The following NRG3 variants were observed in gnomAD, a reference collection of about 807,000 sequenced individuals.
The protein encoded by NRG3 is pro-neuregulin-3, membrane-bound isoform.
A neutral mutation model predicts 66.9 loss-of-function variants in NRG3; 31 were observed. The ratio of observed to expected loss-of-function variants is 0.46; its 90% CI spans 0.35 to 0.63. The LOEUF is 0.63. Ranked by LOEUF, NRG3 falls within the 20% of genes least tolerant of loss-of-function variation. NRG3 has a pLI of 0.00. For synonymous variants in NRG3, 393 were observed against 359.4 expected (o/e 1.09, Z -1.06); for missense variants, 910 against 878.9 (o/e 1.04, Z -0.45).
intron 1 of NRG3, among the ~76,000 whole-genome samples, chr10:82,063,903 A>G (rs2133259089): frequency 6.6e-6 from 1 of 152,278 alleles, no homozygotes; most frequent in East Asian, 1.9e-4. Flanking sequence ...CATAGCTGGG[A>G]GAACAAAGAA....
chr10:82,784,901 C>G (rs12573722), intron 3 of NRG3, among the ~76,000 whole-genome samples: 13,979 of 152,188 alleles, frequency 0.092, 674 homozygotes, highest in Middle Eastern at 0.18. Context: ...AAGACACATG[C>G]ACACGTATGT....
In NRG3 at chr10:82,741,429, T is replaced by G. The variant is rs116709406; in HGVS notation, c.1027+2779T>G. The stretch of plus-strand genomic sequence containing the variant: ...GCTTTCACTTGAGCAATGGCAACAG[T>G]AATACCTATAAGCATTATTGTTATC... On this transcript the variant is annotated intron_variant, in intron 3 of 8. Transcript: ENST00000372141. Among the ~76,000 whole-genome samples, 537 of 152,316 alleles carry G rather than the reference T, an allele frequency of 3.5e-3. 1 individual carries two copies. The highest frequency in any genetic ancestry group is 0.012 in the African/African-American group (510 of 41,586).
At chr10:82,258,476 C>T (rs1286629580) in intron 1 of NRG3, among the ~76,000 whole-genome samples, 1 of 152,182 alleles carries the variant, frequency 6.6e-6, no homozygotes, top group Non-Finnish European at 1.5e-5. Flanking sequence ...ACAAATTAGG[C>T]AGGCATCCTT....
chr10:82,572,701 A>G (rs2045813192), intron 2 of NRG3, among the ~76,000 whole-genome samples: 1 of 151,594 alleles, frequency 6.6e-6, no homozygotes, highest in African/African-American at 2.4e-5. Flanking sequence ...TGGTAAAAGT[A>G]ATGTAAAAAA....
intron 2 of NRG3, among the ~76,000 whole-genome samples, chr10:82,697,994 C>T (rs1375810713): frequency 6.6e-6 from 1 of 152,108 alleles, no homozygotes; most frequent in Non-Finnish European, 1.5e-5. Context: ...AAAAGTCCAT[C>T]TGACATTGTA....
At chr10:82,446,098 C>A (rs909141488) in intron 2 of NRG3, among the ~76,000 whole-genome samples, 4 of 152,158 alleles carry the variant, frequency 2.6e-5, no homozygotes, top group Admixed American at 6.6e-5. Context: ...TTGTTCATGA[C>A]CCAGCTTAAT....
intron 2 of NRG3, among the ~76,000 whole-genome samples, chr10:82,473,625 G>C (rs1383970485): frequency 1.3e-5 from 2 of 152,120 alleles, no homozygotes; most frequent in Admixed American, 1.3e-4. Flanking sequence ...ATTTTCACTT[G>C]CCATTGCCCC....
chr10:81,948,786 A>T (rs892727328), intron 1 of NRG3, among the ~76,000 whole-genome samples: 1 of 152,206 alleles, frequency 6.6e-6, no homozygotes, highest in Admixed American at 6.5e-5. Flanking sequence ...TGTGGGTCTA[A>T]TGCAAATTGC....
intron 2 of NRG3, among the ~76,000 whole-genome samples, chr10:82,402,705 C>G (rs1319752189): frequency 1.3e-5 from 2 of 151,972 alleles, no homozygotes; most frequent in African/African-American, 4.8e-5. Flanking sequence ...ATCAATAAAA[C>G]TTTTAGTTAT....
At chr10:82,202,432 A>C (rs940071732) in intron 1 of NRG3, among the ~76,000 whole-genome samples, 2 of 152,196 alleles carry the variant, frequency 1.3e-5, no homozygotes, top group African/African-American at 4.8e-5. Context: ...AGGCAAAAAA[A>C]ATCCAAAGTC....
chr10:82,148,109 A>G (rs2070396246), intron 1 of NRG3, among the ~76,000 whole-genome samples: 1 of 152,194 alleles, frequency 6.6e-6, no homozygotes, highest in African/African-American at 2.4e-5. Flanking sequence ...GTTGTGATCA[A>G]ATTTTCTCCT....
intron 2 of NRG3, among the ~76,000 whole-genome samples, chr10:82,584,207 C>T (rs1251321839): frequency 1.3e-5 from 2 of 152,148 alleles, no homozygotes; most frequent in Non-Finnish European, 2.9e-5. Context: ...TCACCTCAGC[C>T]TCTGGAGTAG....
At chr10:82,203,461 C>T (rs2074952581) in intron 1 of NRG3, among the ~76,000 whole-genome samples, 1 of 152,058 alleles carries the variant, frequency 6.6e-6, no homozygotes, top group East Asian at 1.9e-4. Context: ...AGGATGTAGT[C>T]ACTATGGAAG....
At position 82,150,050 on chromosome 10, in the gene NRG3, G is replaced by A. The variant is rs1293659033; in HGVS notation, c.824-208689G>A. The stretch of plus-strand genomic sequence containing the variant: ...TTTTCAGGGGGGAGTGCACCCATCT[G>A]GACTCCCTGCTGTTCCCATCAATCT... On this transcript the variant is annotated intron_variant, in intron 1 of 8. Coordinates refer to ENST00000372141, the MANE Select transcript of NRG3 (RefSeq NM_001010848.4). Among the ~76,000 whole-genome samples the A allele has an allele frequency of 2.6e-5, 4 of 151,998 alleles. No homozygotes were observed. The East Asian group carries it at 7.7e-4, about 29-fold the overall frequency.
chr10:82,716,508 G>A (rs960234785), intron 2 of NRG3, among the ~76,000 whole-genome samples: 6 of 152,256 alleles, frequency 3.9e-5, no homozygotes, highest in Admixed American at 3.9e-4. Context: ...TTTCTACATG[G>A]CAGGTGGCCC....
chr10:82,830,032 C>T (rs342373), intron 3 of NRG3, among the ~76,000 whole-genome samples: 75,560 of 151,956 alleles, frequency 0.5, 18,861 homozygotes, highest in South Asian at 0.54. Flanking sequence ...CGTATCTTCT[C>T]ATGGTGATCT....
intron 2 of NRG3, among the ~76,000 whole-genome samples, chr10:82,580,688 A>G (rs1197774369): frequency 2.0e-5 from 3 of 152,008 alleles, no homozygotes; most frequent in African/African-American, 2.4e-5. Flanking sequence ...ACTTAATGAT[A>G]TGCATTTAGG....
intron 4 of NRG3, among the ~76,000 whole-genome samples, chr10:82,933,035 T>C (rs934815523): frequency 5.9e-5 from 9 of 152,218 alleles, no homozygotes; most frequent in East Asian, 1.9e-4. Context: ...AAATGAGTCA[T>C]GATTCAAGTG....
intron 1 of NRG3, among the ~76,000 whole-genome samples, chr10:82,233,831 C>G (rs896109985): frequency 1.3e-5 from 2 of 152,124 alleles, no homozygotes; most frequent in Non-Finnish European, 2.9e-5. Context: ...CATTTAAGAA[C>G]CTTTTAACCA....
Sources: gnomAD v4.1 joint callset for allele counts (sites outside exome capture counted in the v4.1 genomes callset) on GRCh38, gnomAD v4.1.1 for gene constraint, MANE v1.5 for transcripts, NCBI Gene and HGNC (gene_info 2026-07-23, HGNC 2026-07-21) for gene names.